The following AVL9 variants were observed in gnomAD, a reference collection of about 807,000 sequenced individuals.
AVL9 encodes the protein late secretory pathway protein AVL9 homolog.
A neutral mutation model predicts 79.2 loss-of-function variants in AVL9; 49 were observed. The observed-to-expected ratio is 0.62, with a 90% confidence interval of 0.49 to 0.79. The LOEUF (loss-of-function observed/expected upper bound fraction) is 0.79, where lower values mean the gene tolerates loss of function less well. Ranked by LOEUF, AVL9 falls within the 30% of genes least tolerant of loss-of-function variation. The probability of loss-of-function intolerance (pLI) is 0.00; values close to 1 mark genes in which losing one functional copy is unlikely to be tolerated. For synonymous variants in AVL9, 299 were observed against 280.6 expected, an observed-to-expected ratio of 1.07 and a Z score of -0.65; for missense variants, 682 against 776.8, an observed-to-expected ratio of 0.88 and a Z score of 1.45.
chr7:32,556,523 G>A lies in AVL9; in HGVS notation c.609+1927G>A, dbSNP rs112703319. On this transcript the variant is annotated intron_variant, in intron 8 of 15. Transcript: ENST00000318709. The stretch of plus-strand genomic sequence containing the variant: ...AGCGAGACTCCATCTCAAAGTAAAT[G>A]AATGAATGAATGAATGAATGAGTAT... 1.5e-3 allele frequency among the ~76,000 whole-genome samples: 22 copies of A among 14,622 alleles called. No individual in the cohort carries two copies. In the East Asian group the frequency reaches 0.025, roughly 17 times the overall value. 9.6% of individuals were successfully genotyped at this position (14,622 alleles called of 152,430 possible).
intron 8 of AVL9, among the ~76,000 whole-genome samples, chr7:32,557,441 T>G (rs1790116344): frequency 6.6e-6 from 1 of 152,216 alleles, no homozygotes; most frequent in South Asian, 2.1e-4. Flanking sequence ...TCCACCTTTG[T>G]CTCTTTTTTT....
At chr7:32,538,853 G>A (rs978067129) in intron 1 of AVL9, 1 of 152,210 alleles carries the variant, frequency 6.6e-6, no homozygotes, top group African/African-American at 2.4e-5. Context: ...GTAGAGTGAA[G>A]TTAAAATGAT....
At chr7:32,574,817 GA>G (rs1366002735) in intron 12 of AVL9, among the ~76,000 whole-genome samples, 3 of 152,126 alleles carry the variant, frequency 2.0e-5, no homozygotes, top group African/African-American at 7.2e-5. Context: ...TCAGCCCAAT[GA>G]ACTGCTTGAG....
chr7:32,575,285 G>A (rs898017464), intron 12 of AVL9, among the ~76,000 whole-genome samples: 3 of 152,120 alleles, frequency 2.0e-5, no homozygotes, highest in Admixed American at 6.5e-5. Flanking sequence ...TTCTGGCAGA[G>A]ACAGGGTTTT....
chr7:32,580,424 G>A, intron 14 of AVL9, 152 bp downstream of exon 14: 1 of 657,820 alleles, frequency 1.5e-6, no homozygotes, highest in Non-Finnish European at 2.6e-6. Flanking sequence ...GCTCAGCAGT[G>A]TGTATGTTTC....
At chr7:32,583,763 T>G (rs1791631656) in intron 15 of AVL9, 29 bp from the exon 16 acceptor site, 3 of 1,430,066 alleles carry the variant, frequency 2.1e-6, no homozygotes, top group Admixed American at 3.7e-5. Context: ...TAAGACATTT[T>G]TCCTTTTGTT....
At chr7:32,548,780 G>A in intron 3 of AVL9, 67 bp from the exon 4 acceptor site, 4 of 1,150,344 alleles carry the variant, frequency 3.5e-6, no homozygotes, top group Non-Finnish European at 3.6e-6. Context: ...CTATTTTTAT[G>A]TTGAAAAAAT....
chr7:32,501,670 A>G (rs1296082249), intron 1 of AVL9, among the ~76,000 whole-genome samples: 1 of 152,340 alleles, frequency 6.6e-6, no homozygotes, highest in South Asian at 2.1e-4. Context: ...TATCAGGAAG[A>G]TTCCTTTGTT....
chr7:32,528,238 A>T (rs1006617036), intron 1 of AVL9, among the ~76,000 whole-genome samples: 1 of 152,170 alleles, frequency 6.6e-6, no homozygotes, highest in Non-Finnish European at 1.5e-5. Flanking sequence ...GACTAAGCCA[A>T]TGTAAACCTT....
intron 3 of AVL9, among the ~76,000 whole-genome samples, chr7:32,546,716 G>C (rs931857496): frequency 3.3e-5 from 5 of 151,978 alleles, no homozygotes; most frequent in African/African-American, 1.2e-4. Context: ...CCAGCTACTC[G>C]GGAGGCTGAG....
At chr7:32,528,334 A>T (rs1197533025) in intron 1 of AVL9, among the ~76,000 whole-genome samples, 2 of 152,144 alleles carry the variant, frequency 1.3e-5, no homozygotes, top group Admixed American at 1.3e-4. Flanking sequence ...TGTCCTCAGG[A>T]CCTCCTGAGG....
At chr7:32,562,587 G>A (rs1410517601) in intron 10 of AVL9, 1 of 966,976 alleles carries the variant, frequency 1.0e-6, no homozygotes, top group African/African-American at 1.8e-5. Flanking sequence ...CTTAATGTCA[G>A]TAATGCATTA....
chr7:32,548,830 C>T lies in AVL9; in HGVS notation c.301-17C>T, dbSNP rs1186195578. The T allele has an allele frequency of 6.0e-6, 9 of 1,509,084 alleles. No individual in the cohort carries two copies. The highest frequency in any genetic ancestry group is 2.4e-5 in the East Asian group (1 of 41,376). The allele number at this position is 1,509,084 out of a possible 1,614,324, so 93.5% of individuals were successfully genotyped here. A position where few individuals can be genotyped will look rare whatever the true frequency, so the allele number is the denominator to read the frequency against. On this transcript the variant is annotated splice_polypyrimidine_tract_variant and intron_variant, in intron 3 of 15. Coordinates refer to ENST00000318709, the MANE Select transcript of AVL9 (RefSeq NM_015060.3). ...GCTATGAAATATTTCTGATAAATTG[C>T]TCTTTGTTCATAATAGGCACTGAAA...
chr7:32,495,973 A>G, intron 1 of AVL9, among the ~76,000 whole-genome samples, 171 bp downstream of exon 1: 1 of 135,604 alleles, frequency 7.4e-6, no homozygotes, highest in Admixed American at 7.5e-5. Flanking sequence ...CCCGCCCCAC[A>G]TGAAGCCCAG....
chr7:32,526,587 C>T (rs921329260), intron 1 of AVL9, among the ~76,000 whole-genome samples: 2 of 152,162 alleles, frequency 1.3e-5, no homozygotes, highest in African/African-American at 4.8e-5. Context: ...GGTTCCCTTC[C>T]CCTAAGCCCA....
chr7:32,553,600 T>A, intron 6 of AVL9, 127 bp from the exon 7 acceptor site: 1 of 662,140 alleles, frequency 1.5e-6, no homozygotes, highest in Non-Finnish European at 2.7e-6. Flanking sequence ...TACAGAAATA[T>A]TTGGATATTT....
At chr7:32,542,618 A>G (rs1789267247) in intron 1 of AVL9, among the ~76,000 whole-genome samples, 1 of 152,200 alleles carries the variant, frequency 6.6e-6, no homozygotes, top group African/African-American at 2.4e-5. Context: ...AAAAATTTTA[A>G]ATCATTTTTA....
intron 5 of AVL9, among the ~76,000 whole-genome samples, chr7:32,551,892 T>C (rs1789844751): frequency 6.6e-6 from 1 of 152,074 alleles, no homozygotes; most frequent in African/African-American, 2.4e-5. Context: ...CTGGTGGGAG[T>C]AGGACATCTA....
chr7:32,497,654 T>C (rs1270525728), intron 1 of AVL9, among the ~76,000 whole-genome samples: 1 of 54,568 alleles, frequency 1.8e-5, no homozygotes, highest in Non-Finnish European at 5.4e-5. Context: ...CCATTAGTTC[T>C]TTTTTTTTTT....
Sources: gnomAD v4.1 joint callset for allele counts (sites outside exome capture counted in the v4.1 genomes callset) on GRCh38, gnomAD v4.1.1 for gene constraint, MANE v1.5 for transcripts, NCBI Gene and HGNC (gene_info 2026-07-23, HGNC 2026-07-21) for gene names.